The following UBE3C variants were observed in gnomAD, a reference collection of about 807,000 sequenced individuals.
UBE3C encodes the protein ubiquitin-protein ligase E3C.
Under a neutral mutation model 129.4 loss-of-function variants are expected in UBE3C, and 42 were observed. That is an observed-to-expected ratio of 0.32 (90% CI 0.25 to 0.42). UBE3C has a LOEUF of 0.42. Among genes scored for constraint, UBE3C ranks in the 10% least tolerant of loss-of-function variants. The probability of loss-of-function intolerance (pLI) is 1.00; values close to 1 mark genes in which losing one functional copy is unlikely to be tolerated. For missense variants in UBE3C, 1,049 were observed against 1,319.1 expected, an observed-to-expected ratio of 0.80 and a Z score of 3.17; for synonymous variants, 510 against 492.4, an observed-to-expected ratio of 1.04 and a Z score of -0.47.
rs188315527 is a variant in UBE3C at position 157,143,142 on chromosome 7, C to T, written c.66+3804C>T. Among the ~76,000 whole-genome samples, 850 of 152,256 alleles carry T rather than the reference C, an allele frequency of 5.6e-3. 3 individuals carry two copies. Among genetic ancestry groups the T allele is most frequent in the Non-Finnish European group, 8.7e-3 (592 of 68,006 alleles). On this transcript the variant is annotated intron_variant, in intron 1 of 22. Coordinates refer to ENST00000348165, the MANE Select transcript of UBE3C (RefSeq NM_014671.3). Reference sequence around the variant, plus strand: ...TCAGCCTCCCAAAGTGCTGGGATTACAGGTATGAGCCACTGCGCTCAGCCT... The same window carrying T: ...TCAGCCTCCCAAAGTGCTGGGATTATAGGTATGAGCCACTGCGCTCAGCCT...
chr7:157,258,087 A>G (rs62493377), intron 22 of UBE3C, among the ~76,000 whole-genome samples: 9,989 of 151,634 alleles, frequency 0.066, 461 homozygotes, highest in Non-Finnish European at 0.099. Context: ...AGCTGTGACT[A>G]CAGGCATGTA....
rs1195922318 is a variant in UBE3C at position 157,183,824 on chromosome 7, A to G, written c.992-54A>G. 6 of 1,562,800 alleles carry G rather than the reference A, an allele frequency of 3.8e-6. No homozygotes were observed. The African/African-American group carries it at 5.5e-5, about 14-fold the overall frequency. ...AGGAAAAATGGCGTCTTCGTTTTCC[A>G]TTTTAAAAAATAATGTTTAACTAAA... is the stretch of plus-strand genomic sequence containing the variant. On this transcript the variant is annotated intron_variant, in intron 8 of 22. Transcript: ENST00000348165.
intron 5 of UBE3C, 122 bp downstream of exon 5, chr7:157,175,156 T>TTG: frequency 4.7e-6 from 3 of 633,090 alleles, no homozygotes; most frequent in Non-Finnish European, 7.2e-6. Flanking sequence ...TTTTTTTTTT[T>TTG]TTGAGGTCAT....
rs775127130 is a variant in UBE3C, at chr7:157,160,440, G to A, written c.67-3370G>A. Among the ~76,000 whole-genome samples the A allele has an allele frequency of 7.4e-4, 113 of 152,140 alleles. 3 individuals carry two copies. The highest frequency in any genetic ancestry group is 1.9e-4 in the Non-Finnish European group (13 of 68,024). On this transcript the variant is annotated intron_variant, in intron 1 of 22. Coordinates refer to ENST00000348165, the MANE Select transcript of UBE3C (RefSeq NM_014671.3). ...TAATTTGGGGGGATGCCTTCTGTTT[G>A]TGACCAGTGATGCTGTTTTTCTGTT...
intron 19 of UBE3C, among the ~76,000 whole-genome samples, chr7:157,253,355 C>T (rs1796666314): frequency 6.6e-6 from 1 of 152,220 alleles, no homozygotes; most frequent in African/African-American, 2.4e-5. Flanking sequence ...GTTATACCTG[C>T]AAATTCTGTG....
At chr7:157,209,638 G>A (rs559752333) in intron 13 of UBE3C, among the ~76,000 whole-genome samples, 1 of 152,230 alleles carries the variant, frequency 6.6e-6, no homozygotes, top group South Asian at 2.1e-4. Context: ...TCCATGATGT[G>A]CAATATCAGG....
At position 157,257,193 on chromosome 7, in the gene UBE3C, T is replaced by G. The variant is rs77708214; in HGVS notation, c.3081+149T>G. Reference sequence around the variant, plus strand: ...TTAATTAAGTACTGGTTATGATGTATATATTTTGGTGCTAGTTTTATTTGG... The same window carrying G: ...TTAATTAAGTACTGGTTATGATGTAGATATTTTGGTGCTAGTTTTATTTGG... On this transcript the variant is annotated intron_variant, in intron 22 of 22. Transcript: ENST00000348165. 832 of 1,159,672 alleles carry G rather than the reference T, an allele frequency of 7.2e-4. 2 individuals carry two copies. In the African/African-American group the frequency reaches 0.012, roughly 16 times the overall value. 71.8% of individuals were successfully genotyped at this position (1,159,672 alleles called of 1,614,324 possible).
At chr7:157,167,609 C>G (rs1471536578) in intron 2 of UBE3C, among the ~76,000 whole-genome samples, 4 of 152,108 alleles carry the variant, frequency 2.6e-5, no homozygotes, top group Admixed American at 2.0e-4. Flanking sequence ...GCGATCTCGG[C>G]TCACTGCAAG....
At chr7:157,167,215 G>A (rs924019850) in intron 2 of UBE3C, among the ~76,000 whole-genome samples, 1 of 152,184 alleles carries the variant, frequency 6.6e-6, no homozygotes, top group Non-Finnish European at 1.5e-5. Flanking sequence ...ACAGGCATGA[G>A]CCACCATGCC....
At position 157,156,280 on chromosome 7, in the gene UBE3C, C is replaced by T. The variant is rs113340483; in HGVS notation, c.67-7530C>T. 4.7e-3 allele frequency among the ~76,000 whole-genome samples: 713 copies of T among 150,430 alleles called. 4 individuals are homozygous for T. The highest frequency in any genetic ancestry group is 8.3e-3 in the African/African-American group (338 of 40,838). ...ATAAAATACTAGAGCCTTTCACCTCCACTCCTCACACCCCCAGTTCTTTTT... is the reference window on the plus strand; with the variant it reads ...ATAAAATACTAGAGCCTTTCACCTCTACTCCTCACACCCCCAGTTCTTTTT... On this transcript the variant is annotated intron_variant, in intron 1 of 22. Coordinates refer to ENST00000348165, the MANE Select transcript of UBE3C (RefSeq NM_014671.3).
chr7:157,170,160 T>A, intron 3 of UBE3C, 144 bp from the exon 4 acceptor site: 8 of 548,280 alleles, frequency 1.5e-5, no homozygotes, highest in Non-Finnish European at 1.9e-5. Flanking sequence ...TTTTCTACAA[T>A]TCAACTGTGA....
chr7:157,161,014 T>C (rs188322079), intron 1 of UBE3C, among the ~76,000 whole-genome samples: 8 of 152,206 alleles, frequency 5.3e-5, no homozygotes, highest in Admixed American at 4.6e-4. Context: ...ATCCAGGACA[T>C]GAAAGATGAA....
At chr7:157,225,369 T>C (rs779257984) in intron 16 of UBE3C, 38 bp from the exon 17 acceptor site, 9 of 1,571,598 alleles carry the variant, frequency 5.7e-6, no homozygotes, top group Non-Finnish European at 7.7e-6. Context: ...AAGAGGTCTT[T>C]TGTTTCTAAT....
intron 13 of UBE3C, among the ~76,000 whole-genome samples, chr7:157,214,207 A>T (rs1809672515): frequency 2.0e-5 from 3 of 152,220 alleles, no homozygotes; most frequent in Non-Finnish European, 4.4e-5. Context: ...TAGGATAGGA[A>T]ATATGAAAGA....
intron 15 of UBE3C, chr7:157,222,935 T>TC (rs1795778635): frequency 3.9e-6 from 1 of 255,036 alleles, no homozygotes; most frequent in African/African-American, 2.3e-5. Context: ...CACTGCTGGA[T>TC]CTGGCTGCAT....
chr7:157,227,771 A>G (rs1795920706), intron 17 of UBE3C, among the ~76,000 whole-genome samples: 1 of 152,216 alleles, frequency 6.6e-6, no homozygotes, highest in African/African-American at 2.4e-5. Flanking sequence ...ACAAGCCTCA[A>G]ATTTCCTAAT....
chr7:157,249,889 C>G (rs1361073598), intron 19 of UBE3C, among the ~76,000 whole-genome samples: 1 of 152,116 alleles, frequency 6.6e-6, no homozygotes, highest in East Asian at 1.9e-4. Flanking sequence ...CCAAAATGTT[C>G]CAAAATCCAA....
intron 1 of UBE3C, among the ~76,000 whole-genome samples, chr7:157,162,904 G>C (rs1176564131): frequency 2.6e-5 from 4 of 151,846 alleles, no homozygotes; most frequent in Admixed American, 2.0e-4. Flanking sequence ...GGGAGAAGAG[G>C]GTTCTGTTTA....
chr7:157,223,229 AT>A, intron 15 of UBE3C, 24 bp from the exon 16 acceptor site: 1 of 1,611,346 alleles, frequency 6.2e-7, no homozygotes, highest in Non-Finnish European at 8.5e-7. Flanking sequence ...AAGTGAACTA[AT>A]TAAGGTTTTA....
Sources: gnomAD v4.1 joint callset for allele counts (sites outside exome capture counted in the v4.1 genomes callset) on GRCh38, gnomAD v4.1.1 for gene constraint, MANE v1.5 for transcripts, NCBI Gene and HGNC (gene_info 2026-07-23, HGNC 2026-07-21) for gene names.